The following TMTC2 variants were observed in gnomAD, a reference collection of about 807,000 sequenced individuals.
TMTC2 encodes transmembrane O-mannosyltransferase targeting cadherins 2.
A neutral mutation model predicts 82.4 loss-of-function variants in TMTC2; 43 were observed. The ratio of observed to expected loss-of-function variants is 0.52; its 90% CI spans 0.41 to 0.67. TMTC2 has a LOEUF of 0.67. Ranked by LOEUF, TMTC2 falls within the 30% of genes least tolerant of loss-of-function variation. The probability of loss-of-function intolerance (pLI) is 0.00; values close to 1 mark genes in which losing one functional copy is unlikely to be tolerated. For missense variants in TMTC2, 919 were observed against 1,012.4 expected, an observed-to-expected ratio of 0.91 and a Z score of 1.25; for synonymous variants, 408 against 381.9, an observed-to-expected ratio of 1.07 and a Z score of -0.80.
intron 8 of TMTC2, among the ~76,000 whole-genome samples, chr12:83,005,182 C>T (rs980639696): frequency 1.5e-5 from 2 of 130,594 alleles, no homozygotes; most frequent in South Asian, 2.5e-4. Flanking sequence ...CCGGCCTGGG[C>T]GATAGAGCTA....
chr12:83,037,340 T>C (rs1881703674), intron 9 of TMTC2, among the ~76,000 whole-genome samples: 1 of 152,242 alleles, frequency 6.6e-6, no homozygotes, highest in Non-Finnish European at 1.5e-5. Flanking sequence ...ACTGAGGCTA[T>C]GTTTTATCCT....
rs1410998666 is a variant in TMTC2, at chr12:83,018,045, GTA to G, written c.2071-12751_2071-12750del. ...TATAGTATATATATATTGTGTGTGT[GTA>G]TGTATATATATATATATAAAATTAG... is the stretch of plus-strand genomic sequence containing the variant. On this transcript the variant is annotated intron_variant, in intron 8 of 11. Transcript: ENST00000321196. Among the ~76,000 whole-genome samples, 901 of 147,834 alleles carry G rather than the reference GTA, an allele frequency of 6.1e-3. 6 individuals are homozygous for G. The highest frequency in any genetic ancestry group is 0.029 in the Admixed American group (422 of 14,704).
At chr12:83,018,047 ATG>A (rs1177961891) in intron 8 of TMTC2, among the ~76,000 whole-genome samples, 10 of 146,816 alleles carry the variant, frequency 6.8e-5, no homozygotes, top group Admixed American at 4.1e-4. Flanking sequence ...GTGTGTGTGT[ATG>A]TATATATATA....
Position 83,036,481 on chromosome 12 carries a change from T to A in TMTC2, c.2152+5602T>A, listed in dbSNP as rs867601575. Among the ~76,000 whole-genome samples, 712 of 149,108 alleles carry A rather than the reference T, an allele frequency of 4.8e-3. 4 individuals are homozygous for A. The highest frequency in any genetic ancestry group is 0.017 in the African/African-American group (679 of 41,122). ...TTATGTTTTCTTGTCCCCGAGTCTT[T>A]TTTTTTTTTTTTTTGCTTCATCATC... On this transcript the variant is annotated intron_variant, in intron 9 of 11. Coordinates refer to ENST00000321196, the MANE Select transcript of TMTC2 (RefSeq NM_152588.3).
At chr12:83,113,600 A>T (rs143668117) in intron 11 of TMTC2, among the ~76,000 whole-genome samples, 16 of 152,336 alleles carry the variant, frequency 1.1e-4, no homozygotes, top group African/African-American at 3.4e-4. Context: ...TTCAACAGGC[A>T]TAACACCTTG....
Position 82,915,449 on chromosome 12 carries a change from A to G in TMTC2, c.1484-14982A>G, listed in dbSNP as rs560901187. The stretch of plus-strand genomic sequence containing the variant: ...TAACTGGTAACAGGGCTAGTACTAC[A>G]ACGTAGATTTCGGACATTTTGTTTT... On this transcript the variant is annotated intron_variant, in intron 3 of 11. Transcript: ENST00000321196. 3.3e-5 allele frequency among the ~76,000 whole-genome samples: 5 copies of G among 152,304 alleles called. No individual in the cohort carries two copies. The South Asian group carries it at 1.0e-3, about 32-fold the overall frequency.
chr12:83,040,938 C>T (rs1881871261), intron 9 of TMTC2, among the ~76,000 whole-genome samples: 2 of 152,078 alleles, frequency 1.3e-5, no homozygotes, highest in South Asian at 4.1e-4. Context: ...CCTGCCTCAG[C>T]CTCCCAAAGT....
rs151001349 is a variant in TMTC2 at position 82,720,237 on chromosome 12, G to A, written c.83+32568G>A. Among the ~76,000 whole-genome samples, 96 of 152,016 alleles carry A rather than the reference G, an allele frequency of 6.3e-4. 1 individual carries two copies. Among genetic ancestry groups the A allele is most frequent in the African/African-American group, 2.3e-3 (95 of 41,456 alleles). ...CACCCACCTATACCTTCATGTCCCC[G>A]ACCCCAGCCCTCTGCAACCACGAAT... On this transcript the variant is annotated intron_variant, in intron 1 of 11. Coordinates refer to ENST00000321196, the MANE Select transcript of TMTC2 (RefSeq NM_152588.3).
intron 5 of TMTC2, 57 bp downstream of exon 5, chr12:82,965,166 C>A: frequency 1.6e-6 from 2 of 1,289,730 alleles, no homozygotes; most frequent in Non-Finnish European, 1.1e-6. Flanking sequence ...TGAAAATTAA[C>A]TCTAATTTAC....
chr12:82,824,593 A>G (rs80085805), intron 1 of TMTC2, among the ~76,000 whole-genome samples: 5,430 of 152,326 alleles, frequency 0.036, 308 homozygotes, highest in African/African-American at 0.12. Context: ...AAAGATACAG[A>G]AGTTAATAGG....
chr12:82,878,744 T>C (rs960392057), intron 2 of TMTC2, among the ~76,000 whole-genome samples: 3 of 152,076 alleles, frequency 2.0e-5, no homozygotes, highest in African/African-American at 7.2e-5. Context: ...TAATTAAAAA[T>C]ATAAATGAAT....
intron 11 of TMTC2, among the ~76,000 whole-genome samples, chr12:83,111,522 G>A (rs1884599680): frequency 6.6e-6 from 1 of 152,114 alleles, no homozygotes; most frequent in African/African-American, 2.4e-5. Flanking sequence ...GGTCAGCAGG[G>A]GGCCAGATGT....
chr12:82,986,993 A>G (rs1409660068), intron 8 of TMTC2, among the ~76,000 whole-genome samples: 1 of 152,198 alleles, frequency 6.6e-6, no homozygotes, highest in Admixed American at 6.5e-5. Context: ...ATAAATGAAT[A>G]TTAGAAAAAC....
chr12:82,859,160 C>G (rs1871406600), intron 2 of TMTC2, among the ~76,000 whole-genome samples: 2 of 151,834 alleles, frequency 1.3e-5, no homozygotes, highest in African/African-American at 4.8e-5. Flanking sequence ...CTCCGCCCCC[C>G]AGGTTCAAGC....
intron 8 of TMTC2, among the ~76,000 whole-genome samples, chr12:83,015,926 G>T (rs1407836617): frequency 6.6e-6 from 1 of 152,064 alleles, no homozygotes; most frequent in Non-Finnish European, 1.5e-5. Context: ...TAGTTTAAAG[G>T]TTTCTGTAAT....
rs1394438642 is a variant in TMTC2, at chr12:82,938,900, G to A, written c.1598+8355G>A. On this transcript the variant is annotated intron_variant, in intron 4 of 11. Transcript: ENST00000321196. ...TAGTATAGATCTTACTACGTTTTTG[G>A]TAAGCATTTATACATGTGGTTATGT... 7.9e-5 allele frequency among the ~76,000 whole-genome samples: 12 copies of A among 152,112 alleles called. No homozygotes were observed. In the East Asian group the frequency reaches 2.3e-3, roughly 29 times the overall value.
intron 11 of TMTC2, among the ~76,000 whole-genome samples, chr12:83,102,972 C>A (rs1334847668): frequency 6.6e-6 from 1 of 152,138 alleles, no homozygotes; most frequent in African/African-American, 2.4e-5. Flanking sequence ...CCCCTAGATT[C>A]TTTCCTCTGG....
rs149023952 is a variant in TMTC2, at chr12:82,776,095, G to A, written c.84-80915G>A. 5.9e-5 allele frequency among the ~76,000 whole-genome samples: 9 copies of A among 152,148 alleles called. No homozygotes were observed. In the East Asian group the frequency reaches 1.2e-3, roughly 20 times the overall value. The stretch of plus-strand genomic sequence containing the variant: ...ATACAGTGTCCCATTGAATTGAACC[G>A]TTATTGAGTTTCCAGTGTTACCTAC... On this transcript the variant is annotated intron_variant, in intron 1 of 11. Transcript: ENST00000321196.
intron 7 of TMTC2, among the ~76,000 whole-genome samples, chr12:82,983,791 G>A (rs537592143): frequency 3.8e-4 from 58 of 151,972 alleles, no homozygotes; most frequent in Admixed American, 9.8e-4. Context: ...TTTATAATCC[G>A]TTTAAGAGAT....
Sources: gnomAD v4.1 joint callset for allele counts (sites outside exome capture counted in the v4.1 genomes callset) on GRCh38, gnomAD v4.1.1 for gene constraint, MANE v1.5 for transcripts, NCBI Gene and HGNC (gene_info 2026-07-23, HGNC 2026-07-21) for gene names.